The following TDRD12 variants were observed in gnomAD, a reference collection of about 807,000 sequenced individuals.
TDRD12 encodes the protein putative ATP-dependent RNA helicase TDRD12.
In TDRD12, 158 loss-of-function variants were observed where a neutral mutation model predicts 133.5. The ratio of observed to expected loss-of-function variants is 1.18; its 90% confidence interval spans 1.04 to 1.35. The LOEUF is 1.35. TDRD12 is among the 40% of genes most tolerant of loss of function. TDRD12 has a pLI of 0.00. For missense variants in TDRD12, 1,443 were observed against 1,321.3 expected (o/e 1.09, Z -1.43); for synonymous variants, 460 against 477.9 (o/e 0.96, Z 0.49).
At chr19:32,725,097 T>A (rs1250288334) in intron 1 of TDRD12, among the ~76,000 whole-genome samples, 1 of 152,200 alleles carries the variant, frequency 6.6e-6, no homozygotes, top group Non-Finnish European at 1.5e-5. Flanking sequence ...TCCTTACAGA[T>A]TCTGGATATT....
rs559403539 is a variant in TDRD12 at position 32,766,912 on chromosome 19, G to A, written c.866-5841G>A. ...TTACAGGCACGAGCCACCATGCCTGGTCAGCTGTAATTTTTTGTTTTGTAT... is the reference window on the plus strand; with the variant it reads ...TTACAGGCACGAGCCACCATGCCTGATCAGCTGTAATTTTTTGTTTTGTAT... On this transcript the variant is annotated intron_variant, in intron 8 of 27. Coordinates refer to ENST00000444215, the Ensembl canonical transcript of TDRD12. Among the ~76,000 whole-genome samples, 13 of 151,940 alleles carry A rather than the reference G, an allele frequency of 8.6e-5. No individual in the cohort carries two copies. In the South Asian group the frequency reaches 2.5e-3, roughly 29 times the overall value.
In TDRD12 at chr19:32,755,977, T is replaced by G; in HGVS notation, c.583-15T>G. The G allele has an allele frequency of 6.9e-7, 1 of 1,441,260 alleles. No individual in the cohort carries two copies. Among genetic ancestry groups the G allele is most frequent in the Non-Finnish European group, 9.1e-7 (1 of 1,102,814 alleles). 89.3% of individuals were successfully genotyped at this position (1,441,260 alleles called of 1,614,324 possible). A position where few individuals can be genotyped will look rare whatever the true frequency, so the allele number is the denominator to read the frequency against. On this transcript the variant is annotated splice_polypyrimidine_tract_variant and intron_variant, in intron 6 of 27. Transcript: ENST00000444215. ...TATTTGTCTTATTAGTCATGAAATG[T>G]TTAAAATTTTACAGGTTTGTGTTAA...
Position 32,746,619 on chromosome 19 carries a change from A to T in TDRD12, c.441-1857A>T, listed in dbSNP as rs1348142490. 6.8e-5 allele frequency among the ~76,000 whole-genome samples: 9 copies of T among 132,194 alleles called. No individual in the cohort carries two copies. In the South Asian group the frequency reaches 7.7e-4, roughly 11 times the overall value. 86.7% of individuals were successfully genotyped at this position (132,194 alleles called of 152,430 possible). The stretch of plus-strand genomic sequence containing the variant: ...CTGATGTGGTTATTCTGTGTGTGTG[A>T]GAGAGAGAGTCTGGCTGATGTGGTT... On this transcript the variant is annotated intron_variant, in intron 4 of 27. Transcript: ENST00000444215.
Position 32,729,419 on chromosome 19 carries a change from G to A in TDRD12, c.25-2306G>A, listed in dbSNP as rs955546782. 3.0e-4 allele frequency among the ~76,000 whole-genome samples: 45 copies of A among 151,082 alleles called. 1 individual carries two copies. Among genetic ancestry groups the A allele is most frequent in the African/African-American group, 8.5e-4 (35 of 41,052 alleles). On this transcript the variant is annotated intron_variant, in intron 1 of 27. Coordinates refer to ENST00000444215, the Ensembl canonical transcript of TDRD12. ...TTTTTAGTAGAGACGGAGTTTCATC[G>A]TGTTAGCTAGGATGGTCTCGATCTC... is the stretch of plus-strand genomic sequence containing the variant.
chr19:32,792,099 C>T (rs1420267512), intron 13 of TDRD12, among the ~76,000 whole-genome samples: 1 of 151,786 alleles, frequency 6.6e-6, no homozygotes, highest in Non-Finnish European at 1.5e-5. Flanking sequence ...TACAAAAATT[C>T]GCCAGGCATG....
chr19:32,811,609 C>T (rs1043507710), intron 24 of TDRD12, among the ~76,000 whole-genome samples, 189 bp downstream of exon 24: 1 of 152,246 alleles, frequency 6.6e-6, no homozygotes, highest in Non-Finnish European at 1.5e-5. Context: ...AGCTGCAACA[C>T]TGTCTTCACC....
intron 11 of TDRD12, among the ~76,000 whole-genome samples, chr19:32,777,774 AG>A (rs764475583): frequency 0.11 from 13,958 of 129,722 alleles, 1,001 homozygotes; most frequent in Middle Eastern, 0.18. Flanking sequence ...CCTCCCAAGT[AG>A]CTGGGACCAT....
At position 32,755,983 on chromosome 19, in the gene TDRD12, A is replaced by G; in HGVS notation, c.583-9A>G. The G allele has an allele frequency of 6.9e-7, 1 of 1,447,338 alleles. No individual in the cohort carries two copies. The allele number at this position is 1,447,338 out of a possible 1,614,324, so 89.7% of individuals were successfully genotyped here. A position where few individuals can be genotyped will look rare whatever the true frequency, so the allele number is the denominator to read the frequency against. ...TCTTATTAGTCATGAAATGTTTAAAATTTTACAGGTTTGTGTTAATGATGA... is the reference window on the plus strand; with the variant it reads ...TCTTATTAGTCATGAAATGTTTAAAGTTTTACAGGTTTGTGTTAATGATGA... On this transcript the variant is annotated splice_polypyrimidine_tract_variant and intron_variant, in intron 6 of 27. Transcript: ENST00000444215.
intron 7 of TDRD12, 142 bp from the exon 8 acceptor site, chr19:32,756,896 G>T: frequency 1.6e-6 from 1 of 616,604 alleles, no homozygotes; most frequent in East Asian, 2.8e-5. Context: ...CCAGTTTTTA[G>T]TCCCCTCACC....
intron 19 of TDRD12, 47 bp from the exon 20 acceptor site, chr19:32,802,609 T>G (rs535382708): frequency 3.9e-6 from 6 of 1,519,244 alleles, no homozygotes; most frequent in Non-Finnish European, 4.4e-6. Context: ...TTAAAGTAAG[T>G]GCGGTAACTC....
chr19:32,729,815 G>A (rs994369020), intron 1 of TDRD12, among the ~76,000 whole-genome samples: 5 of 110,850 alleles, frequency 4.5e-5, no homozygotes, highest in Admixed American at 2.2e-4. Context: ...TTGTGAGATG[G>A]AGTCTTGCTC....
chr19:32,793,444 T>C lies in TDRD12; in HGVS notation c.1288-1184T>C, dbSNP rs372311387. Among the ~76,000 whole-genome samples the C allele has an allele frequency of 2.6e-5, 4 of 152,236 alleles. No individual in the cohort carries two copies. In the East Asian group the frequency reaches 5.8e-4, roughly 22 times the overall value. ...GTGATGGTGAAGGATGATACCAGGATAGTTGCTCAATACCAAGTGCAGAGC... is the reference window on the plus strand; with the variant it reads ...GTGATGGTGAAGGATGATACCAGGACAGTTGCTCAATACCAAGTGCAGAGC... On this transcript the variant is annotated intron_variant, in intron 13 of 27. Transcript: ENST00000444215.
At chr19:32,802,967 C>T in exon 21 of TDRD12, 1 of 1,536,074 alleles carries the variant, frequency 6.5e-7, no homozygotes, top group Non-Finnish European at 8.7e-7. Context: ...ATCTGTCTTG[C>T]TGCTGACGGA....
intron 8 of TDRD12, among the ~76,000 whole-genome samples, chr19:32,769,033 G>A (rs1158209380): frequency 6.6e-6 from 1 of 152,094 alleles, no homozygotes; most frequent in Non-Finnish European, 1.5e-5. Context: ...GCAAGCCACT[G>A]TGCCTGGCTG....
chr19:32,795,333 C>CAGAA (rs1971192828), intron 14 of TDRD12, among the ~76,000 whole-genome samples: 1 of 81,512 alleles, frequency 1.2e-5, no homozygotes, highest in African/African-American at 5.8e-5. Flanking sequence ...AACTCCATCT[C>CAGAA]AGAAAAAAAA....
chr19:32,791,957 A>G (rs1028662523), intron 13 of TDRD12, among the ~76,000 whole-genome samples: 1 of 151,950 alleles, frequency 6.6e-6, no homozygotes, highest in Non-Finnish European at 1.5e-5. Context: ...AAAAAAAAAA[A>G]AAAGACCAGG....
intron 3 of TDRD12, among the ~76,000 whole-genome samples, chr19:32,741,980 A>G (rs1007803506): frequency 1.3e-5 from 2 of 152,218 alleles, no homozygotes; most frequent in African/African-American, 4.8e-5. Flanking sequence ...TCAGTCCTGC[A>G]GCTCTTTTGT....
intron 22 of TDRD12, among the ~76,000 whole-genome samples, chr19:32,809,442 C>T (rs1393739650): frequency 1.3e-5 from 2 of 152,200 alleles, no homozygotes; most frequent in Non-Finnish European, 1.5e-5. Context: ...GTCGCCAGCC[C>T]GGTCCTCTCC....
rs8102460 is a variant in TDRD12, at chr19:32,758,263, T to G, written c.865+1133T>G. On this transcript the variant is annotated intron_variant, in intron 8 of 27. Coordinates refer to ENST00000444215, the Ensembl canonical transcript of TDRD12. Reference sequence around the variant, plus strand: ...GATGGGTGGTTTCTCTCTCAGTGTGTCCGGGCTGGCACTTTTTATGGACTC... The same window carrying G: ...GATGGGTGGTTTCTCTCTCAGTGTGGCCGGGCTGGCACTTTTTATGGACTC... Among the ~76,000 whole-genome samples, 71 of 152,320 alleles carry G rather than the reference T, an allele frequency of 4.7e-4. 1 individual carries two copies. Among genetic ancestry groups the G allele is most frequent in the African/African-American group, 1.7e-3 (71 of 41,574 alleles).
Sources: allele counts gnomAD v4.1 joint callset (sites outside exome capture counted in the v4.1 genomes callset), GRCh38; gene constraint gnomAD v4.1.1; transcripts MANE v1.5; gene names NCBI Gene and HGNC (gene_info 2026-07-23, HGNC 2026-07-21).